The following HEBP2 variants were observed in gnomAD, a reference collection of about 807,000 sequenced individuals.
HEBP2 encodes heme-binding protein 2.
HEBP2 carries 27 observed loss-of-function variants against 23.1 expected under a neutral mutation model. That is an observed-to-expected ratio of 1.17 (90% CI 0.86 to 1.61). The LOEUF is 1.61. HEBP2 is among the 40% of genes most tolerant of loss of function. The probability of loss-of-function intolerance (pLI) is 0.00; values close to 1 mark genes in which losing one functional copy is unlikely to be tolerated. For synonymous variants in HEBP2, 99 were observed against 95.1 expected (o/e 1.04, Z -0.24); for missense variants, 245 against 253.8 (o/e 0.97, Z 0.24).
At position 138,415,350 on chromosome 6, in the gene HEBP2, G is replaced by A. The variant is rs1469400986; in HGVS notation, c.*2272G>A. On this transcript the variant is annotated 3_prime_UTR_variant, in exon 4 of 4. Coordinates refer to ENST00000607197, the MANE Select transcript of HEBP2 (RefSeq NM_014320.3). The stretch of plus-strand genomic sequence containing the variant: ...TGGCTCGGAGGCCCCCATCCCTGGT[G>A]GATAGGTGGCACAGACAGTCCCTGG... The A allele has an allele frequency of 2.0e-5, 3 of 152,184 alleles. No homozygotes were observed. Among genetic ancestry groups the A allele is most frequent in the Non-Finnish European group, 4.4e-5 (3 of 68,054 alleles). 9.4% of individuals were successfully genotyped at this position (152,184 alleles called of 1,614,324 possible).
intron 3 of HEBP2, among the ~76,000 whole-genome samples, chr6:138,407,831 C>A (rs548759064): frequency 7.9e-5 from 12 of 152,232 alleles, no homozygotes; most frequent in Non-Finnish European, 1.6e-4. Context: ...CCTGTGCCTT[C>A]CGGAGGGACA....
At chr6:138,405,815 G>C (rs978558011) in intron 2 of HEBP2, among the ~76,000 whole-genome samples, 156 bp from the exon 3 acceptor site, 4 of 152,182 alleles carry the variant, frequency 2.6e-5, no homozygotes, top group Non-Finnish European at 5.9e-5. Context: ...GAGCAATTGA[G>C]TAATTTTGGC....
At chr6:138,411,327 C>A (rs1178805807) in intron 3 of HEBP2, among the ~76,000 whole-genome samples, 2 of 152,160 alleles carry the variant, frequency 1.3e-5, no homozygotes, top group Non-Finnish European at 2.9e-5. Flanking sequence ...TGACTGGATC[C>A]TTCCTCACCA....
At position 138,404,615 on chromosome 6, in the gene HEBP2, AGC is replaced by A; in HGVS notation, c.102+20_102+21del. The A allele has an allele frequency of 7.9e-7, 1 of 1,260,314 alleles. No homozygotes were observed. The highest frequency in any genetic ancestry group is 1.0e-6 in the Non-Finnish European group (1 of 999,838). 78.1% of individuals were successfully genotyped at this position (1,260,314 alleles called of 1,614,324 possible). A position where few individuals can be genotyped will look rare whatever the true frequency, so the allele number is the denominator to read the frequency against. The stretch of plus-strand genomic sequence containing the variant: ...GCCCCCAGGTAGGCGCCGACTCGGG[AGC>A]GGAGGGGCTGGGCCCGCCTTCCGGC... On this transcript the variant is annotated intron_variant, in intron 1 of 3. Transcript: ENST00000607197.
At chr6:138,412,069 ATTC>A in intron 3 of HEBP2, 1 of 450,148 alleles carries the variant, frequency 2.2e-6, no homozygotes. Flanking sequence ...TCCAGTGTTT[ATTC>A]TTTTCCTTAG....
Position 138,417,875 on chromosome 6 carries a change from T to C in HEBP2, c.*4797T>C, listed in dbSNP as rs1451615947. On this transcript the variant is annotated 3_prime_UTR_variant, in exon 4 of 4. Transcript: ENST00000607197. ...AAGTTTGTGTTTCCACTAGCCAGAG[T>C]AGAAATAACTCATAATGCATGGGTC... 6.6e-6 allele frequency: 1 copy of C among 152,004 alleles called. No homozygotes were observed. The allele number at this position is 152,004 out of a possible 1,614,324, so 9.4% of individuals were successfully genotyped here.
Position 138,405,985 on chromosome 6 carries a change from A to G in HEBP2, c.253A>G (p.Met85Val), listed in dbSNP as rs144965410. 520 of 1,611,988 alleles carry G rather than the reference A, an allele frequency of 3.2e-4. No homozygotes were observed. The highest frequency in any genetic ancestry group is 3.9e-4 in the Non-Finnish European group (463 of 1,179,348). ...GKNEKEMKIK[M>V]TAPVTSYVEP... ...TTATGTCACAGAGATGAAAATAAAG[A>G]TGACAGCTCCAGTGACAAGCTACGT... Residue 85 changes from methionine (M) to valine (V), a missense_variant, in exon 3 of 4, where the codon ATG (methionine) becomes GTG (valine). Physicochemically the swap from Met to Val is conservative, Grantham distance 21 (BLOSUM62 1). Transcript: ENST00000607197.
chr6:138,403,592 C>A (rs773569101), upstream of HEBP2: 10 of 456,528 alleles, frequency 2.2e-5, no homozygotes, highest in Non-Finnish European at 3.5e-5. Flanking sequence ...GCGCCGGAGC[C>A]GTGCCGGGTC....
At chr6:138,410,481 T>G (rs1774726499) in intron 3 of HEBP2, among the ~76,000 whole-genome samples, 1 of 110,364 alleles carries the variant, frequency 9.1e-6, no homozygotes, top group Non-Finnish European at 1.7e-5. Flanking sequence ...GTTTCTTTCT[T>G]TTTTTTTTTT....
rs142521821 is a variant in HEBP2 at position 138,404,390 on chromosome 6, G to T, written c.-106G>T. On this transcript the variant is annotated 5_prime_UTR_variant, in exon 1 of 4. Coordinates refer to ENST00000607197, the MANE Select transcript of HEBP2 (RefSeq NM_014320.3). ...GCCGGGAGGAGGGACCGGGTCTGCGGAGCGGGGACTCGGGGCCTCGGCGGG... is the reference window on the plus strand; with the variant it reads ...GCCGGGAGGAGGGACCGGGTCTGCGTAGCGGGGACTCGGGGCCTCGGCGGG... 287 of 694,880 alleles carry T rather than the reference G, an allele frequency of 4.1e-4. 2 individuals carry two copies. The East Asian group carries it at 0.011, about 26-fold the overall frequency. 43.0% of individuals were successfully genotyped at this position (694,880 alleles called of 1,614,324 possible). A position where few individuals can be genotyped will look rare whatever the true frequency, so the allele number is the denominator to read the frequency against.
At chr6:138,405,316 G>T in intron 2 of HEBP2, 36 bp downstream of exon 2, 1 of 1,612,422 alleles carries the variant, frequency 6.2e-7, no homozygotes, top group South Asian at 1.1e-5. Flanking sequence ...TGCATATTGT[G>T]AAAGAGTCCC....
Position 138,413,060 on chromosome 6 carries a change from C to T in HEBP2, c.600C>T (p.Pro200=). 1.2e-6 allele frequency: 2 copies of T among 1,612,590 alleles called. No homozygotes were observed. The highest frequency in any genetic ancestry group is 2.7e-5 in the African/African-American group (2 of 74,940). The change falls in exon 4 of 4, where the codon CCC becomes CCT. Residue 200 remains proline, a synonymous_variant. Transcript: ENST00000607197. ...TGTGGTTGATTCAAAAAAATGAACC[C>T]ACCAAAGAAAACGAATGAGAAAAAT... ...NEVWLIQKNE[P]TKENE is the part of the protein sequence containing the mutation.
At position 138,404,264 on chromosome 6, in the gene HEBP2, G is replaced by A. The variant is rs935780423; in HGVS notation, c.-232G>A. 4 of 321,122 alleles carry A rather than the reference G, an allele frequency of 1.2e-5. No homozygotes were observed. The highest frequency in any genetic ancestry group is 3.1e-4 in the South Asian group (2 of 6,372). The allele number at this position is 321,122 out of a possible 1,614,324, so 19.9% of individuals were successfully genotyped here. A position where few individuals can be genotyped will look rare whatever the true frequency, so the allele number is the denominator to read the frequency against. Reference sequence around the variant, plus strand: ...GGGCGGGGGCAGGACGCGCAACTCCGGCCGGAGCTGTCCGGGGTCGTGAGC... The same window carrying A: ...GGGCGGGGGCAGGACGCGCAACTCCAGCCGGAGCTGTCCGGGGTCGTGAGC... On this transcript the variant is annotated 5_prime_UTR_variant, in exon 1 of 4. Transcript: ENST00000607197.
chr6:138,404,399 C>G lies in HEBP2; in HGVS notation c.-97C>G, dbSNP rs927431719. ...AGGGACCGGGTCTGCGGAGCGGGGACTCGGGGCCTCGGCGGGGCGCGCACA... is the reference window on the plus strand; with the variant it reads ...AGGGACCGGGTCTGCGGAGCGGGGAGTCGGGGCCTCGGCGGGGCGCGCACA... On this transcript the variant is annotated 5_prime_UTR_variant, in exon 1 of 4. Coordinates refer to ENST00000607197, the MANE Select transcript of HEBP2 (RefSeq NM_014320.3). 2.0e-5 allele frequency: 16 copies of G among 795,322 alleles called. No individual in the cohort carries two copies. Among genetic ancestry groups the G allele is most frequent in the Non-Finnish European group, 2.5e-5 (15 of 599,904 alleles). 49.3% of individuals were successfully genotyped at this position (795,322 alleles called of 1,614,324 possible). A position where few individuals can be genotyped will look rare whatever the true frequency, so the allele number is the denominator to read the frequency against.
At chr6:138,409,282 T>C (rs147681718) in intron 3 of HEBP2, among the ~76,000 whole-genome samples, 53 of 152,246 alleles carry the variant, frequency 3.5e-4, no homozygotes, top group African/African-American at 1.3e-3. Flanking sequence ...TCCCAAAGCA[T>C]TGGGTTTACA....
chr6:138,410,810 C>T (rs745428500), intron 3 of HEBP2, among the ~76,000 whole-genome samples: 4 of 152,138 alleles, frequency 2.6e-5, no homozygotes, highest in African/African-American at 9.7e-5. Flanking sequence ...ACCCATGGTT[C>T]AGAATTATAT....
In HEBP2 at chr6:138,404,360, G is replaced by A. The variant is rs11545805; in HGVS notation, c.-136G>A. 51,089 of 506,262 alleles carry A rather than the reference G, an allele frequency of 0.1. 3,184 individuals are homozygous for A. The highest frequency in any genetic ancestry group is 0.13 in the Non-Finnish European group (42,808 of 338,734). 31.4% of individuals were successfully genotyped at this position (506,262 alleles called of 1,614,324 possible). A position where few individuals can be genotyped will look rare whatever the true frequency, so the allele number is the denominator to read the frequency against. Reference sequence around the variant, plus strand: ...CGCATCGGGTGGGCTCGGGTCTCCAGCCCGGCCGGGAGGAGGGACCGGGTC... The same window carrying A: ...CGCATCGGGTGGGCTCGGGTCTCCAACCCGGCCGGGAGGAGGGACCGGGTC... On this transcript the variant is annotated 5_prime_UTR_variant, in exon 1 of 4. Coordinates refer to ENST00000607197, the MANE Select transcript of HEBP2 (RefSeq NM_014320.3).
At chr6:138,411,029 C>T (rs770150256) in intron 3 of HEBP2, among the ~76,000 whole-genome samples, 2 of 152,110 alleles carry the variant, frequency 1.3e-5, no homozygotes, top group Non-Finnish European at 2.9e-5. Context: ...TCAGCTGAAG[C>T]GTGGTAGGAT....
At chr6:138,405,338 T>A in intron 2 of HEBP2, 58 bp downstream of exon 2, 3 of 1,593,968 alleles carry the variant, frequency 1.9e-6, no homozygotes, top group Non-Finnish European at 2.6e-6. Context: ...GGGCTTATTA[T>A]TGAGTTTTAG....
Sources: allele counts gnomAD v4.1 joint callset (sites outside exome capture counted in the v4.1 genomes callset), GRCh38; gene constraint gnomAD v4.1.1; transcripts MANE v1.5; gene names NCBI Gene and HGNC (gene_info 2026-07-23, HGNC 2026-07-21).